The following PTPRQ variants were observed in gnomAD, a reference collection of about 807,000 sequenced individuals.
The protein encoded by PTPRQ is protein tyrosine phosphatase receptor type Q, also known as phosphatidylinositol phosphatase PTPRQ.
PTPRQ carries 199 observed loss-of-function variants against 246.0 expected under a neutral mutation model. The observed-to-expected ratio is 0.81, with a 90% confidence interval of 0.72 to 0.91. The LOEUF is 0.91. Among genes scored for constraint, PTPRQ ranks in the 40% least tolerant of loss-of-function variants. The pLI is 0.00. For missense variants in PTPRQ, 2,624 were observed against 2,528.4 expected, an observed-to-expected ratio of 1.04 and a Z score of -0.81; for synonymous variants, 869 against 853.2, an observed-to-expected ratio of 1.02 and a Z score of -0.32.
At chr12:80,586,969 C>T (rs924735630) in intron 25 of PTPRQ, among the ~76,000 whole-genome samples, 2 of 152,108 alleles carry the variant, frequency 1.3e-5, no homozygotes, top group South Asian at 2.1e-4. Flanking sequence ...GGAATTTGAA[C>T]GTCTTCTGAT....
intron 25 of PTPRQ, among the ~76,000 whole-genome samples, chr12:80,577,078 A>AT (rs1391833247): frequency 2.0e-5 from 3 of 152,218 alleles, no homozygotes; most frequent in African/African-American, 7.2e-5. Flanking sequence ...CAAAGTTGTC[A>AT]TTTTTGATAA....
intron 23 of PTPRQ, among the ~76,000 whole-genome samples, chr12:80,543,732 G>T (rs534334704): frequency 6.6e-6 from 1 of 151,914 alleles, no homozygotes; most frequent in African/African-American, 2.4e-5. Context: ...TTATGTCATC[G>T]GGAACAATGA....
At chr12:80,608,346 G>A (rs1898408535) in intron 27 of PTPRQ, among the ~76,000 whole-genome samples, 1 of 150,554 alleles carries the variant, frequency 6.6e-6, no homozygotes, top group Non-Finnish European at 1.5e-5. Context: ...AAGTGGACAA[G>A]TAATAGCTAA....
intron 8 of PTPRQ, among the ~76,000 whole-genome samples, chr12:80,483,562 C>G (rs1002495254): frequency 1.3e-5 from 2 of 152,116 alleles, no homozygotes; most frequent in African/African-American, 4.8e-5. Flanking sequence ...TATTAAATAT[C>G]CATGTATTTA....
At chr12:80,526,186 G>T (rs1217432275) in intron 17 of PTPRQ, among the ~76,000 whole-genome samples, 1 of 152,126 alleles carries the variant, frequency 6.6e-6, no homozygotes, top group African/African-American at 2.4e-5. Flanking sequence ...AAAATCTATG[G>T]AGACAGGGTA....
chr12:80,467,355 C>G (rs1346005413), intron 6 of PTPRQ, among the ~76,000 whole-genome samples: 4 of 152,226 alleles, frequency 2.6e-5, no homozygotes, highest in Admixed American at 6.5e-5. Context: ...AGTCAGGAAA[C>G]AACAGGTGCT....
chr12:80,623,286 T>C (rs1187314522), intron 33 of PTPRQ, among the ~76,000 whole-genome samples: 1 of 152,162 alleles, frequency 6.6e-6, no homozygotes, highest in African/African-American at 2.4e-5. Flanking sequence ...AAACTTTGCA[T>C]CTTGAAGAAA....
At chr12:80,495,143 T>C in intron 11 of PTPRQ, 49 bp downstream of exon 11, 5 of 1,548,656 alleles carry the variant, frequency 3.2e-6, no homozygotes, top group Non-Finnish European at 4.4e-6. Context: ...ATTGCTGTTG[T>C]ACACTGTGAT....
chr12:80,609,072 G>C (rs1165271837), intron 27 of PTPRQ, among the ~76,000 whole-genome samples: 1 of 150,256 alleles, frequency 6.7e-6, no homozygotes, highest in Non-Finnish European at 1.5e-5. Flanking sequence ...TCTGTCTTAA[G>C]GTGGGAATGA....
intron 26 of PTPRQ, chr12:80,593,789 T>C (rs1565807243): frequency 6.6e-6 from 1 of 152,034 alleles, no homozygotes; most frequent in Non-Finnish European, 1.5e-5. Flanking sequence ...TCACAAGCTG[T>C]TAAATGTTTC....
At position 80,495,358 on chromosome 12, in the gene PTPRQ, C is replaced by G; in HGVS notation, c.1869C>G (p.Ser623Arg). ...RAFQITTIDN[S>R]FLITGLKKYT... ...TCCAGATAACTACCATAGATAACAGCTTTCTCATAACAGGTAGAAAACAAT... is the reference window on the plus strand; with the variant it reads ...TCCAGATAACTACCATAGATAACAGGTTTCTCATAACAGGTAGAAAACAAT... Residue 623 changes from serine to arginine, a missense_variant, in exon 12 of 45, where the codon AGC (serine) becomes AGG (arginine). Ser to Arg is a moderately radical substitution (Grantham distance 110, BLOSUM62 -1). Transcript: ENST00000644991. 1 of 1,511,772 alleles carries G rather than the reference C, an allele frequency of 6.6e-7. No individual in the cohort carries two copies. Among genetic ancestry groups the G allele is most frequent in the African/African-American group, 1.4e-5 (1 of 70,034 alleles). The allele number at this position is 1,511,772 out of a possible 1,614,324, so 93.6% of individuals were successfully genotyped here. A position where few individuals can be genotyped will look rare whatever the true frequency, so the allele number is the denominator to read the frequency against.
chr12:80,465,362 A>G (rs187320063), intron 6 of PTPRQ: 16,287 of 152,342 alleles, frequency 0.11, 1,215 homozygotes, highest in African/African-American at 0.21. Flanking sequence ...GGCAATAAGC[A>G]ATAGCTTACC....
chr12:80,576,067 G>T (rs1333603392), intron 25 of PTPRQ, among the ~76,000 whole-genome samples: 2 of 151,766 alleles, frequency 1.3e-5, no homozygotes, highest in Non-Finnish European at 2.9e-5. Context: ...CTTTCTTATG[G>T]ATATTTTCCC....
intron 38 of PTPRQ, among the ~76,000 whole-genome samples, chr12:80,657,461 A>G (rs1900479660): frequency 6.6e-6 from 1 of 151,800 alleles, no homozygotes; most frequent in Admixed American, 6.6e-5. Context: ...TATAAAATCT[A>G]AAAATTTTAC....
chr12:80,543,592 A>G (rs1212074158), intron 23 of PTPRQ, among the ~76,000 whole-genome samples: 2 of 152,174 alleles, frequency 1.3e-5, no homozygotes, highest in Non-Finnish European at 2.9e-5. Flanking sequence ...CAGCAAGAAG[A>G]GTGCAAAAAA....
chr12:80,520,165 C>A (rs1895428083), intron 17 of PTPRQ, among the ~76,000 whole-genome samples: 1 of 151,792 alleles, frequency 6.6e-6, no homozygotes, highest in Non-Finnish European at 1.5e-5. Flanking sequence ...TGGTTGTGTC[C>A]CCACCCAACT....
intron 5 of PTPRQ, among the ~76,000 whole-genome samples, chr12:80,459,971 C>G (rs895323444): frequency 3.3e-5 from 5 of 152,070 alleles, no homozygotes; most frequent in African/African-American, 1.2e-4. Flanking sequence ...TTGTGCATAT[C>G]TTTGGTAAAG....
chr12:80,462,701 C>T (rs1287566813), intron 6 of PTPRQ: 44 of 160,742 alleles, frequency 2.7e-4, no homozygotes, highest in East Asian at 2.3e-3. Context: ...GCAGCATTTG[C>T]GGTTCACGAA....
intron 43 of PTPRQ, among the ~76,000 whole-genome samples, chr12:80,674,729 T>G (rs1037558971): frequency 6.6e-6 from 1 of 152,202 alleles, no homozygotes; most frequent in Non-Finnish European, 1.5e-5. Flanking sequence ...CTACTTATTA[T>G]TAGGTATTCT....
Sources: gnomAD v4.1 joint callset for allele counts (sites outside exome capture counted in the v4.1 genomes callset) on GRCh38, gnomAD v4.1.1 for gene constraint, MANE v1.5 for transcripts, NCBI Gene and HGNC (gene_info 2026-07-23, HGNC 2026-07-21) for gene names.